Variants in KRT10 observed in about 807,000 individuals in gnomAD.
KRT10 encodes keratin 10.
Under a neutral mutation model 59.2 loss-of-function variants are expected in KRT10, and 40 were observed. That is an observed-to-expected ratio of 0.68 (90% CI 0.52 to 0.88). The LOEUF (loss-of-function observed/expected upper bound fraction) is 0.88, where lower values mean the gene tolerates loss of function less well. Ranked by LOEUF, KRT10 falls within the 40% of genes least tolerant of loss-of-function variation. The pLI, the probability that KRT10 is intolerant of heterozygous loss-of-function variation, is 0.00. For missense variants in KRT10, 719 were observed against 749.1 expected (o/e 0.96, Z 0.47); for synonymous variants, 336 against 310.7 (o/e 1.08, Z -0.86).
intron 6 of KRT10, 136 bp from the exon 7 acceptor site, chr17:40,819,297 C>G: frequency 6.6e-7 from 1 of 1,505,166 alleles, no homozygotes; most frequent in African/African-American, 1.4e-5. Flanking sequence ...TTTTAAAACC[C>G]ATCCTTTGAA....
chr17:40,819,141 C>T lies in KRT10; in HGVS notation c.1394G>A (p.Gly465Asp), dbSNP rs763011311. 1.1e-5 allele frequency: 17 copies of T among 1,539,552 alleles called. No homozygotes were observed. The highest frequency in any genetic ancestry group is 1.5e-5 in the Non-Finnish European group (17 of 1,152,840). ...GTAGCCGCCGCCGAAACTTCCGCCG[C>T]CGCGTCCGCCGCCTCCGGAACTAAA... ...GEGSSGGGGR[G>D]GGSFGGGYGG... Residue 465 changes from glycine to aspartate, a missense_variant, in exon 7 of 8, where the codon GGC (glycine) becomes GAC (aspartate). Coordinates refer to ENST00000269576, the MANE Select transcript of KRT10 (RefSeq NM_000421.5).
Position 40,819,616 on chromosome 17 carries a change from G to A in KRT10, c.1274C>T (p.Thr425Ile), listed in dbSNP as rs1905255077. The change falls in exon 6 of 8, where the codon ACC becomes ATC. Residue 425 changes from threonine (T) to isoleucine (I), a missense_variant. Physicochemically the swap from Thr to Ile is moderately conservative, Grantham distance 89 (BLOSUM62 -1). Coordinates refer to ENST00000269576, the MANE Select transcript of KRT10 (RefSeq NM_000421.5). ...TTGGTATTCAGTATTCTGGCACTCG[G>A]TTTCAGCTCGAATCTGTTGCAACTG... Reference protein sequence around the residue: ...EEQLQQIRAETECQNTEYQQL... With the variant: ...EEQLQQIRAEIECQNTEYQQL... 1 of 1,614,052 alleles carries A rather than the reference G, an allele frequency of 6.2e-7. No individual in the cohort carries two copies.
chr17:40,818,475 G>C lies in KRT10; in HGVS notation c.*1C>G. ...TAATTGTCTTGATTACTCTGGTTTTGTTAGTATCTGTGTGAATGATGGAAA... is the reference window on the plus strand; with the variant it reads ...TAATTGTCTTGATTACTCTGGTTTTCTTAGTATCTGTGTGAATGATGGAAA... On this transcript the variant is annotated 3_prime_UTR_variant, in exon 8 of 8. Coordinates refer to ENST00000269576, the MANE Select transcript of KRT10 (RefSeq NM_000421.5). 6.2e-7 allele frequency: 1 copy of C among 1,606,992 alleles called. No homozygotes were observed. Among genetic ancestry groups the C allele is most frequent in the South Asian group, 1.1e-5 (1 of 90,932 alleles).
chr17:40,821,582 A>G (rs1213388611), intron 1 of KRT10, among the ~76,000 whole-genome samples: 1 of 152,154 alleles, frequency 6.6e-6, no homozygotes, highest in Non-Finnish European at 1.5e-5. Flanking sequence ...TTTTCTTGCC[A>G]TGTTGGTACT....
chr17:40,820,536 G>C lies in KRT10; in HGVS notation c.842C>G (p.Ala281Gly), dbSNP rs760695518. 4.3e-6 allele frequency: 7 copies of C among 1,614,046 alleles called. No individual in the cohort carries two copies. In the East Asian group the frequency reaches 1.6e-4, roughly 36 times the overall value. ...CTCCTCGTGGTTCTTCTTCAGATAG[G>C]CCAGCTCTTCAGTCAGGCTCTCAAT... ...MQIESLTEEL[A>G]YLKKNHEEEM... Residue 281 changes from alanine to glycine, a missense_variant, in exon 3 of 8, where the codon GCC becomes GGC. This residue lies in a region of KRT10 where 221 missense variants were observed against 277.8 expected (regional missense o/e 0.80). Transcript: ENST00000269576.
Position 40,818,873 on chromosome 17 carries a change from G to A in KRT10, c.1662C>T (p.Gly554=). 6.5e-7 allele frequency: 1 copy of A among 1,538,818 alleles called. No homozygotes were observed. The highest frequency in any genetic ancestry group is 8.7e-7 in the Non-Finnish European group (1 of 1,147,664). The change falls in exon 7 of 8, where the codon GGC becomes GGT. Residue 554 remains glycine, a synonymous_variant. Coordinates refer to ENST00000269576, the MANE Select transcript of KRT10 (RefSeq NM_000421.5). ...TGGAGCTGCCGCCGCCGTATCCGCC[G>A]CCGGAGCTGCTGCCGCCGCCGGAGC... ...GGSSGGGSSS[G]GGYGGGSSSG...
chr17:40,819,092 T>TCCGCCGCCGTAG lies in KRT10; in HGVS notation c.1442_1443insCTACGGCGGCGG (p.Gly481_Ser482insTyrGlyGlyGly). ...CGCCGCCGTGGCCGCCGCCGGAGCT[T>TCCGCCGCCGTAG]CCGCCGCCGGAGCTTCCGCCGCCGT... On this transcript the variant is annotated inframe_insertion, in exon 7 of 8. Coordinates refer to ENST00000269576, the MANE Select transcript of KRT10 (RefSeq NM_000421.5). The TCCGCCGCCGTAG allele has an allele frequency of 7.1e-7, 1 of 1,405,822 alleles. No homozygotes were observed. The highest frequency in any genetic ancestry group is 9.3e-7 in the Non-Finnish European group (1 of 1,078,700). 87.1% of individuals were successfully genotyped at this position (1,405,822 alleles called of 1,614,324 possible).
rs372792985 is a variant in KRT10, at chr17:40,821,029, A to G, written c.710+6T>C. The G allele has an allele frequency of 2.0e-5, 32 of 1,604,422 alleles. No individual in the cohort carries two copies. Among genetic ancestry groups the G allele is most frequent in the Non-Finnish European group, 2.6e-5 (30 of 1,171,286 alleles). Reference sequence around the variant, plus strand: ...GATAGTATTATACAACGATCACTTAACTTACTTCAGCCTGAAGTCATCAGC... The same window carrying G: ...GATAGTATTATACAACGATCACTTAGCTTACTTCAGCCTGAAGTCATCAGC... On this transcript the variant is annotated splice_donor_region_variant and intron_variant, in intron 2 of 7. Coordinates refer to ENST00000269576, the MANE Select transcript of KRT10 (RefSeq NM_000421.5).
rs772222128 is a variant in KRT10, at chr17:40,818,768, C to A, written c.1748+19G>T. ...GAAGTTAAAACTAATTCTGATTACCCCAGCTAGTTTCTGCTGACCTTGGTC... is the reference window on the plus strand; with the variant it reads ...GAAGTTAAAACTAATTCTGATTACCACAGCTAGTTTCTGCTGACCTTGGTC... On this transcript the variant is annotated intron_variant, in intron 7 of 7. Coordinates refer to ENST00000269576, the MANE Select transcript of KRT10 (RefSeq NM_000421.5). 6.4e-7 allele frequency: 1 copy of A among 1,569,384 alleles called. No homozygotes were observed. Among genetic ancestry groups the A allele is most frequent in the Non-Finnish European group, 8.6e-7 (1 of 1,166,494 alleles).
rs1344428746 is a variant in KRT10, at chr17:40,819,051, G to A, written c.1484C>T (p.Ser495Phe). The A allele has an allele frequency of 2.2e-6, 3 of 1,334,652 alleles. No individual in the cohort carries two copies. Among genetic ancestry groups the A allele is most frequent in the East Asian group, 3.3e-5 (1 of 30,336 alleles). 82.7% of individuals were successfully genotyped at this position (1,334,652 alleles called of 1,614,324 possible). The change falls in exon 7 of 8, where the codon TCC (serine) becomes TTC (phenylalanine). Residue 495 changes from serine (S) to phenylalanine (F), a missense_variant. Physicochemically the swap from Ser to Phe is radical, Grantham distance 155. This residue lies in a region of KRT10 where 315 missense variants were observed against 270.6 expected (regional missense o/e 1.16). Coordinates refer to ENST00000269576, the MANE Select transcript of KRT10 (RefSeq NM_000421.5). ...GCTTCCGCCTCCGTAGCCGCCGCCG[G>A]AACTGCCGCCGTGGCCGCCGCCGTG... is the stretch of plus-strand genomic sequence containing the variant. ...GGHGGGHGGS[S>F]GGGYGGGSSG...
chr17:40,819,355 T>G, intron 6 of KRT10, 162 bp downstream of exon 6: 1 of 1,357,990 alleles, frequency 7.4e-7, no homozygotes, highest in Non-Finnish European at 1.0e-6. Flanking sequence ...TGGGCCAAAT[T>G]CATGAGAAAG....
rs764791942 is a variant in KRT10 at position 40,819,075 on chromosome 17, T to TTCCGCCGCC, written c.1459_1460insGGCGGCGGA (p.His487delinsArgArgArgAsn). 8 of 1,215,212 alleles carry TTCCGCCGCC rather than the reference T, an allele frequency of 6.6e-6. No individual in the cohort carries two copies. The highest frequency in any genetic ancestry group is 6.5e-5 in the Admixed American group (2 of 30,592). 75.3% of individuals were successfully genotyped at this position (1,215,212 alleles called of 1,614,324 possible). ...GGAACTGCCGCCGTGGCCGCCGCCG[T>TTCCGCCGCC]GGCCGCCGCCGGAGCTTCCGCCGCC... On this transcript the variant is annotated protein_altering_variant, in exon 7 of 8. Coordinates refer to ENST00000269576, the MANE Select transcript of KRT10 (RefSeq NM_000421.5).
In KRT10 at chr17:40,818,442, C is replaced by G; in HGVS notation, c.*34G>C. 1.2e-6 allele frequency: 2 copies of G among 1,613,522 alleles called. No homozygotes were observed. The highest frequency in any genetic ancestry group is 1.7e-6 in the Non-Finnish European group (2 of 1,179,560). On this transcript the variant is annotated 3_prime_UTR_variant, in exon 8 of 8. Coordinates refer to ENST00000269576, the MANE Select transcript of KRT10 (RefSeq NM_000421.5). The stretch of plus-strand genomic sequence containing the variant: ...AAAGAACTCTACCGTCGGGCGCCAC[C>G]TCTTCAATAATTGTCTTGATTACTC...
Position 40,821,975 on chromosome 17 carries a change from T to A in KRT10, c.611A>T (p.Asp204Val). Residue 204 changes from aspartate (D) to valine (V), a missense_variant, in exon 1 of 8, where the codon GAT becomes GTT. By Grantham distance (152) the Asp-to-Val change is radical. Transcript: ENST00000269576. Reference protein sequence around the residue: ...RDYSKYYKTIDDLKNQILNLT... With the variant: ...RDYSKYYKTIVDLKNQILNLT... ...ACCTCTTACCTGATTTTTAAGGTCATCGATGGTTTTGTAGTATTTGCTGTA... is the reference window on the plus strand; with the variant it reads ...ACCTCTTACCTGATTTTTAAGGTCAACGATGGTTTTGTAGTATTTGCTGTA... 1 of 1,614,154 alleles carries A rather than the reference T, an allele frequency of 6.2e-7. No individual in the cohort carries two copies. Among genetic ancestry groups the A allele is most frequent in the East Asian group, 2.2e-5 (1 of 44,880 alleles).
At position 40,819,628 on chromosome 17, in the gene KRT10, A is replaced by G; in HGVS notation, c.1262T>C (p.Ile421Thr). ...ATTCTGGCACTCGGTTTCAGCTCGA[A>G]TCTGTTGCAACTGTTCTTCCAGAGC... ...ISALEEQLQQ[I>T]RAETECQNTE... Residue 421 changes from isoleucine (I) to threonine (T), a missense_variant, in exon 6 of 8, where the codon ATT (isoleucine) becomes ACT (threonine). Around this residue, in one of 4 missense-constraint regions of KRT10, gnomAD observed 315 missense variants for 270.6 expected, o/e 1.16. Transcript: ENST00000269576. 1 of 1,614,178 alleles carries G rather than the reference A, an allele frequency of 6.2e-7. No homozygotes were observed. The highest frequency in any genetic ancestry group is 1.7e-4 in the Middle Eastern group (1 of 6,060).
chr17:40,818,994 C>G lies in KRT10; in HGVS notation c.1541G>C (p.Gly514Ala). 1 of 1,391,008 alleles carries G rather than the reference C, an allele frequency of 7.2e-7. No homozygotes were observed. The highest frequency in any genetic ancestry group is 3.2e-5 in the East Asian group (1 of 30,942). 86.2% of individuals were successfully genotyped at this position (1,391,008 alleles called of 1,614,324 possible). The change falls in exon 7 of 8, where the codon GGG becomes GCG. Residue 514 changes from glycine (G) to alanine (A), a missense_variant. This residue lies in a region of KRT10 where 315 missense variants were observed against 270.6 expected (regional missense o/e 1.16). Coordinates refer to ENST00000269576, the MANE Select transcript of KRT10 (RefSeq NM_000421.5). ...GTGGCCGCCGCTGGAGCTTCCGCCC[C>G]CGTAGCCGCCGCCGGAGCTTCCGCC... Reference protein sequence around the residue: ...SGGGSSGGGYGGGSSSGGHGG... With the variant: ...SGGGSSGGGYAGGSSSGGHGG...
At chr17:40,819,978 A>G (rs1454762120) in intron 5 of KRT10, 71 bp downstream of exon 5, 31 of 1,573,390 alleles carry the variant, frequency 2.0e-5, no homozygotes, top group Non-Finnish European at 2.5e-5. Context: ...TTTTTGTTGC[A>G]TTGCATATTC....
chr17:40,819,055 TGCCGCCGTGGCC>T lies in KRT10; in HGVS notation c.1468_1479del (p.Gly490_Gly493del), dbSNP rs778613907. 396,477 of 1,373,396 alleles carry T rather than the reference TGCCGCCGTGGCC, an allele frequency of 0.29. 58,369 individuals are homozygous for T. Among genetic ancestry groups the T allele is most frequent in the East Asian group, 0.37 (11,794 of 31,510 alleles). 85.1% of individuals were successfully genotyped at this position (1,373,396 alleles called of 1,614,324 possible). A position where few individuals can be genotyped will look rare whatever the true frequency, so the allele number is the denominator to read the frequency against. On this transcript the variant is annotated inframe_deletion, in exon 7 of 8. Coordinates refer to ENST00000269576, the MANE Select transcript of KRT10 (RefSeq NM_000421.5). ...CCGCCTCCGTAGCCGCCGCCGGAAC[TGCCGCCGTGGCC>T]GCCGCCGTGGCCGCCGCCGGAGCTT...
rs1158132272 is a variant in KRT10 at position 40,818,846 on chromosome 17, G to T, written c.1689C>A (p.Ser563Arg). The T allele has an allele frequency of 1.3e-6, 2 of 1,567,804 alleles. No individual in the cohort carries two copies. Among genetic ancestry groups the T allele is most frequent in the Non-Finnish European group, 1.7e-6 (2 of 1,163,610 alleles). Residue 563 changes from serine to arginine, a missense_variant, in exon 7 of 8, where the codon AGC becomes AGA. By Grantham distance (110) the Ser-to-Arg change is moderately radical. Around this residue, in one of 4 missense-constraint regions of KRT10, gnomAD observed 315 missense variants for 270.6 expected, o/e 1.16. Transcript: ENST00000269576. Reference sequence around the variant, plus strand: ...CGGAAGAGGAGGACTTGTGGCCTCCGCTGGAGCTGCCGCCGCCGTATCCGC... The same window carrying T: ...CGGAAGAGGAGGACTTGTGGCCTCCTCTGGAGCTGCCGCCGCCGTATCCGC... ...SGGGYGGGSS[S>R]GGHKSSSSGS...
Sources: gnomAD v4.1 joint callset for allele counts (sites outside exome capture counted in the v4.1 genomes callset) on GRCh38, gnomAD v4.1.1 for gene constraint, gnomAD v4.1.1 regional missense constraint, MANE v1.5 for transcripts, NCBI Gene and HGNC (gene_info 2026-07-23, HGNC 2026-07-21) for gene names.